The following ZNF592 variants were observed in gnomAD, a reference collection of about 807,000 sequenced individuals.
The protein encoded by ZNF592 is zinc finger protein 592, also known as spinocerebellar ataxia, autosomal recessive 5.
A neutral mutation model predicts 80.3 loss-of-function variants in ZNF592; 11 were observed. That is an observed-to-expected ratio of 0.14 (90% CI 0.09 to 0.23). The LOEUF (loss-of-function observed/expected upper bound fraction) is 0.23. Ranked by LOEUF, ZNF592 falls within the 10% of genes least tolerant of loss-of-function variation. ZNF592 has a pLI of 1.00. For synonymous variants in ZNF592, 646 were observed against 640.3 expected (o/e 1.01, Z -0.13); for missense variants, 1,420 against 1,633.9 (o/e 0.87, Z 2.26).
chr15:84,759,792 T>G (rs1328888570), intron 1 of ZNF592, among the ~76,000 whole-genome samples: 1 of 152,124 alleles, frequency 6.6e-6, no homozygotes, highest in South Asian at 2.1e-4. Context: ...TCATATCAGT[T>G]CCTGCAGTGA....
chr15:84,791,663 G>C (rs1962753627), intron 5 of ZNF592, among the ~76,000 whole-genome samples: 1 of 152,110 alleles, frequency 6.6e-6, no homozygotes, highest in Non-Finnish European at 1.5e-5. Flanking sequence ...CCCTTGCCCT[G>C]GTAGGTTACA....
intron 1 of ZNF592, among the ~76,000 whole-genome samples, chr15:84,760,698 G>A (rs1899324906): frequency 6.6e-6 from 1 of 152,222 alleles, no homozygotes; most frequent in Admixed American, 6.5e-5. Flanking sequence ...TGGAGTAGGA[G>A]AGAAGGAGTG....
intron 2 of ZNF592, among the ~76,000 whole-genome samples, chr15:84,774,635 A>G (rs1385775880): frequency 6.6e-6 from 1 of 152,148 alleles, no homozygotes; most frequent in Non-Finnish European, 1.5e-5. Flanking sequence ...CAGACAACAT[A>G]CATTCACCCA....
intron 1 of ZNF592, among the ~76,000 whole-genome samples, chr15:84,763,921 A>G (rs1442264093): frequency 6.6e-6 from 1 of 152,228 alleles, no homozygotes; most frequent in Non-Finnish European, 1.5e-5. Flanking sequence ...AAGTATTAGT[A>G]GCTTCCAAAG....
chr15:84,796,254 AT>A (rs1962908882), intron 5 of ZNF592, among the ~76,000 whole-genome samples: 1 of 23,386 alleles, frequency 4.3e-5, no homozygotes, highest in Non-Finnish European at 7.3e-5. Context: ...ATATATATAT[AT>A]ATATATATAT....
Position 84,799,233 on chromosome 15 carries a change from G to A in ZNF592, c.3137+23G>A, listed in dbSNP as rs776106363. 7.5e-6 allele frequency: 12 copies of A among 1,606,112 alleles called. No individual in the cohort carries two copies. In the South Asian group the frequency reaches 1.2e-4, roughly 16 times the overall value. ...CGGGTGAGTCCCTGGGGATAGTAGTGAGGAGGCCTGAGGTTCAAAAGACTC... is the reference window on the plus strand; with the variant it reads ...CGGGTGAGTCCCTGGGGATAGTAGTAAGGAGGCCTGAGGTTCAAAAGACTC... On this transcript the variant is annotated intron_variant, in intron 9 of 10. Transcript: ENST00000560079. The surrounding 1 kb of genome is among the most constrained non-coding windows in gnomAD (Gnocchi z 4.2).
Position 84,799,805 on chromosome 15 carries a change from C to A in ZNF592, c.3138-37C>A. The A allele has an allele frequency of 6.2e-7, 1 of 1,612,556 alleles. No individual in the cohort carries two copies. Among genetic ancestry groups the A allele is most frequent in the Non-Finnish European group, 8.5e-7 (1 of 1,179,926 alleles). ...AATAGCACTGAGGGAGCCTGCGGCCCGGGCACTTACCTGACCTCTCCGCTG... is the reference window on the plus strand; with the variant it reads ...AATAGCACTGAGGGAGCCTGCGGCCAGGGCACTTACCTGACCTCTCCGCTG... On this transcript the variant is annotated intron_variant, in intron 9 of 10. Coordinates refer to ENST00000560079, the MANE Select transcript of ZNF592 (RefSeq NM_014630.3). The surrounding 1 kb of genome is among the most constrained non-coding windows in gnomAD (Gnocchi z 4.2).
chr15:84,781,482 T>C lies in ZNF592; in HGVS notation c.-19-1175T>C, dbSNP rs575219704. 2.0e-5 allele frequency among the ~76,000 whole-genome samples: 3 copies of C among 152,276 alleles called. No individual in the cohort carries two copies. The South Asian group carries it at 6.2e-4, about 32-fold the overall frequency. ...TTAAATAATGCTGTAACATATACTT[T>C]TGCATGTAGTTTTTGAGAATTTTTG... is the stretch of plus-strand genomic sequence containing the variant. On this transcript the variant is annotated intron_variant, in intron 3 of 10. Coordinates refer to ENST00000560079, the MANE Select transcript of ZNF592 (RefSeq NM_014630.3).
chr15:84,791,205 C>T (rs897923296), intron 5 of ZNF592, among the ~76,000 whole-genome samples: 2 of 152,140 alleles, frequency 1.3e-5, no homozygotes, highest in Admixed American at 1.3e-4. Flanking sequence ...ATGTTTGGCA[C>T]ATTAAATGTA....
chr15:84,773,899 T>G (rs1006044568), intron 2 of ZNF592, among the ~76,000 whole-genome samples: 11 of 152,250 alleles, frequency 7.2e-5, no homozygotes, highest in Admixed American at 2.6e-4. Flanking sequence ...CACGTAGCTA[T>G]GGACACACAG....
intron 4 of ZNF592, among the ~76,000 whole-genome samples, chr15:84,789,437 T>C (rs1962680178): frequency 6.6e-6 from 1 of 152,214 alleles, no homozygotes; most frequent in Non-Finnish European, 1.5e-5. Flanking sequence ...TTAAGTCTTT[T>C]TGGTACACAC....
intron 1 of ZNF592, among the ~76,000 whole-genome samples, chr15:84,752,757 A>G (rs768477087): frequency 9.9e-5 from 15 of 152,208 alleles, no homozygotes; most frequent in Non-Finnish European, 2.2e-4. Context: ...GGGGGGCATC[A>G]CTGTGCTTCA....
Position 84,783,650 on chromosome 15 carries a change from G to A in ZNF592, c.975G>A (p.Met325Ile), listed in dbSNP as rs1417258120. 1 of 1,614,048 alleles carries A rather than the reference G, an allele frequency of 6.2e-7. No homozygotes were observed. The highest frequency in any genetic ancestry group is 8.5e-7 in the Non-Finnish European group (1 of 1,180,036). The change falls in exon 4 of 11, where the codon ATG (methionine) becomes ATA (isoleucine). Residue 325 changes from methionine to isoleucine, a missense_variant. Coordinates refer to ENST00000560079, the MANE Select transcript of ZNF592 (RefSeq NM_014630.3). The surrounding 1 kb of genome is among the most constrained non-coding windows in gnomAD (Gnocchi z 5.0). ...TKESSKGSPK[M>I]PKSPKSPRSP... ...AGAGTTCTAAAGGTAGCCCCAAAAT[G>A]CCCAAGTCACCAAAGAGTCCCCGGA...
intron 2 of ZNF592, among the ~76,000 whole-genome samples, chr15:84,771,329 G>A (rs1899695451): frequency 6.6e-6 from 1 of 152,156 alleles, no homozygotes; most frequent in Admixed American, 6.5e-5. Flanking sequence ...ATCAGAAGGG[G>A]ACCCTGGAGC....
chr15:84,765,157 G>A (rs1246794995), intron 2 of ZNF592, among the ~76,000 whole-genome samples: 3 of 152,054 alleles, frequency 2.0e-5, no homozygotes, highest in Non-Finnish European at 4.4e-5. Flanking sequence ...TCATGTAAGT[G>A]GAATCATTCA....
chr15:84,784,561 A>G lies in ZNF592; in HGVS notation c.1886A>G (p.Lys629Arg), dbSNP rs370274846. The G allele has an allele frequency of 1.9e-6, 3 of 1,614,052 alleles. No individual in the cohort carries two copies. In the African/African-American group the frequency reaches 4.0e-5, roughly 22 times the overall value. The change falls in exon 4 of 11, where the codon AAG becomes AGG. Residue 629 changes from lysine (K) to arginine (R), a missense_variant. Lys to Arg is a conservative substitution (Grantham distance 26, BLOSUM62 2). Around this residue, in one of 7 missense-constraint regions of ZNF592, gnomAD observed 524 missense variants for 628.3 expected, o/e 0.83. Transcript: ENST00000560079. The surrounding 1 kb of genome is among the most constrained non-coding windows in gnomAD (Gnocchi z 5.8). ...LCSKTLLFFN[K>R]CSLLRHARDH... ...TCCAAGACGCTGCTCTTCTTCAACA[A>G]GTGCAGCCTGCTCCGGCACGCCCGT...
Position 84,784,731 on chromosome 15 carries a change from A to G in ZNF592, c.2056A>G (p.Thr686Ala). 5 of 1,614,010 alleles carry G rather than the reference A, an allele frequency of 3.1e-6. No individual in the cohort carries two copies. The highest frequency in any genetic ancestry group is 4.2e-6 in the Non-Finnish European group (5 of 1,179,992). Residue 686 changes from threonine (T) to alanine (A), a missense_variant, in exon 4 of 11, where the codon ACT becomes GCT. Transcript: ENST00000560079. This position sits in a 1 kb window ranked among gnomAD's most constrained non-coding sequence, Gnocchi z 5.8. ...APSSSPKHGLTSGSASPPPPA... is the reference protein window; with the variant it reads ...APSSSPKHGLASGSASPPPPA... ...TTCATCCTCTCCCAAACATGGCCTC[A>G]CTTCGGGCAGTGCCAGTCCCCCTCC...
chr15:84,779,312 C>T (rs1340649646), intron 3 of ZNF592, among the ~76,000 whole-genome samples: 1 of 151,916 alleles, frequency 6.6e-6, no homozygotes, highest in Non-Finnish European at 1.5e-5. Flanking sequence ...TGATTAATTT[C>T]TATTTAAAAA....
At chr15:84,775,967 G>A (rs1195583146) in intron 2 of ZNF592, among the ~76,000 whole-genome samples, 1 of 152,240 alleles carries the variant, frequency 6.6e-6, no homozygotes, top group Admixed American at 6.5e-5. Context: ...AGAGGGTATA[G>A]TTGTCAATCT....
Sources: gnomAD v4.1 joint callset for allele counts (sites outside exome capture counted in the v4.1 genomes callset) on GRCh38, gnomAD v4.1.1 for gene constraint, gnomAD v4.1.1 regional missense constraint, Gnocchi (gnomAD v3.1) non-coding constraint, MANE v1.5 for transcripts, NCBI Gene and HGNC (gene_info 2026-07-23, HGNC 2026-07-21) for gene names.